FAIM: variants seen among roughly 807,000 people sequenced by gnomAD.
The protein encoded by FAIM is fas apoptotic inhibitory molecule 1.
In FAIM, 14 loss-of-function variants were observed where a neutral mutation model predicts 21.2. That is an observed-to-expected ratio of 0.66 (90% CI 0.44 to 1.03). The LOEUF (loss-of-function observed/expected upper bound fraction) is 1.03. Among genes scored for constraint, FAIM ranks in the 50% least tolerant of loss-of-function variants. FAIM has a pLI of 0.00. For missense variants in FAIM, 222 were observed against 247.1 expected (o/e 0.90, Z 0.68); for synonymous variants, 86 against 80.4 (o/e 1.07, Z -0.37).
At chr3:138,619,833 G>T in intron 2 of FAIM, 63 bp downstream of exon 2, 1 of 1,443,004 alleles carries the variant, frequency 6.9e-7, no homozygotes, top group South Asian at 1.2e-5. Context: ...TCATTCAAAA[G>T]AGTGATTTAT....
chr3:138,630,109 G>A (rs2042989473), intron 5 of FAIM: 1 of 152,200 alleles, frequency 6.6e-6, no homozygotes, highest in African/African-American at 2.4e-5. Flanking sequence ...GAACATCAGG[G>A]CTAGAGATAA....
Position 138,621,502 on chromosome 3 carries a change from C to G in FAIM, c.140C>G (p.Thr47Ser), listed in dbSNP as rs1199511550. The change falls in exon 3 of 6, where the codon ACT (threonine) becomes AGT (serine). Residue 47 changes from threonine (T) to serine (S), a missense_variant. Transcript: ENST00000360570. ...CACAAGATCGAATTTGAACATGGGA[C>G]TACATCAGGCAAACGAGTAGTATAT... ...GVHKIEFEHG[T>S]TSGKRVVYVD... 2.5e-6 allele frequency: 4 copies of G among 1,613,710 alleles called. No homozygotes were observed. Among genetic ancestry groups the G allele is most frequent in the East Asian group, 2.2e-5 (1 of 44,846 alleles).
At chr3:138,610,093 C>T (rs1355635688) in intron 1 of FAIM, among the ~76,000 whole-genome samples, 9 of 152,148 alleles carry the variant, frequency 5.9e-5, no homozygotes, top group Admixed American at 5.9e-4. Context: ...GCTGGCCCTA[C>T]CTGGGGGCCT....
In FAIM at chr3:138,632,149, G is replaced by A. The variant is rs189892975; in HGVS notation, c.457-781G>A. 2.8e-3 allele frequency among the ~76,000 whole-genome samples: 427 copies of A among 150,704 alleles called. 3 individuals are homozygous for A. The highest frequency in any genetic ancestry group is 5.7e-3 in the Admixed American group (86 of 15,048). On this transcript the variant is annotated intron_variant, in intron 5 of 5. Coordinates refer to ENST00000360570, the MANE Select transcript of FAIM (RefSeq NM_001033031.2). ...CTGCTACTCAATCAAAGCATAATATGAGGCACAGATAGGACCTTCATGTGT... is the reference window on the plus strand; with the variant it reads ...CTGCTACTCAATCAAAGCATAATATAAGGCACAGATAGGACCTTCATGTGT...
At chr3:138,614,205 C>T (rs642258) in intron 1 of FAIM, among the ~76,000 whole-genome samples, 91,687 of 152,042 alleles carry the variant, frequency 0.6, 28,340 homozygotes, top group East Asian at 0.98. Flanking sequence ...TTTGGGTGGC[C>T]GAGGTGGGAG....
At chr3:138,629,067 C>G (rs752303523) in intron 4 of FAIM, 40 bp from the exon 5 acceptor site, 4 of 1,458,478 alleles carry the variant, frequency 2.7e-6, no homozygotes, top group Non-Finnish European at 2.8e-6. Flanking sequence ...ATCTTTAAAT[C>G]ACAGAATTAT....
intron 5 of FAIM, among the ~76,000 whole-genome samples, chr3:138,631,743 T>C (rs1391043470): frequency 6.6e-6 from 1 of 152,184 alleles, no homozygotes; most frequent in Non-Finnish European, 1.5e-5. Context: ...GTATATAGAT[T>C]GTATTACCTA....
At chr3:138,623,181 T>G (rs2042905923) in intron 4 of FAIM, among the ~76,000 whole-genome samples, 1 of 152,222 alleles carries the variant, frequency 6.6e-6, no homozygotes, top group South Asian at 2.1e-4. Context: ...GGCTTAGGAC[T>G]GCATCAGATC....
intron 1 of FAIM, among the ~76,000 whole-genome samples, chr3:138,612,652 C>T (rs1261288886): frequency 2.0e-5 from 3 of 152,130 alleles, no homozygotes; most frequent in Non-Finnish European, 4.4e-5. Context: ...CAATAGTATA[C>T]AGGTGTCTGA....
At chr3:138,629,375 G>A (rs2042977894) in intron 5 of FAIM, 1 of 451,428 alleles carries the variant, frequency 2.2e-6, no homozygotes, top group Non-Finnish European at 3.9e-6. Flanking sequence ...GCTGGCACTA[G>A]CTTCATACTC....
rs574136000 is a variant in FAIM, at chr3:138,612,311, C to T, written c.-17+3374C>T. ...AGAGACGGGGTTTCACCGTGTTAGC[C>T]AGGATGGTCTCGAACTCCTGACCTC... On this transcript the variant is annotated intron_variant, in intron 1 of 5. Coordinates refer to ENST00000360570, the MANE Select transcript of FAIM (RefSeq NM_001033031.2). Among the ~76,000 whole-genome samples the T allele has an allele frequency of 5.3e-5, 8 of 152,196 alleles. No individual in the cohort carries two copies. The East Asian group carries it at 1.5e-3, about 29-fold the overall frequency.
intron 5 of FAIM, among the ~76,000 whole-genome samples, chr3:138,631,389 T>G (rs1483977536): frequency 6.6e-6 from 1 of 152,164 alleles, no homozygotes; most frequent in Non-Finnish European, 1.5e-5. Context: ...TACTCCAGCC[T>G]GGGTGGCAAG....
chr3:138,621,985 T>A (rs1185040344), intron 3 of FAIM, among the ~76,000 whole-genome samples: 9 of 152,132 alleles, frequency 5.9e-5, no homozygotes, highest in Non-Finnish European at 1.3e-4. Context: ...GGTTTCACTG[T>A]TGGCCAGGCT....
intron 1 of FAIM, among the ~76,000 whole-genome samples, chr3:138,609,577 G>C (rs1003175130): frequency 1.2e-3 from 4 of 3,302 alleles, no homozygotes; most frequent in Admixed American, 5.0e-3. Context: ...TCTCTCTCTC[G>C]ACTCTCTCTC....
chr3:138,619,632 A>T, intron 1 of FAIM, 79 bp from the exon 2 acceptor site: 1 of 1,261,624 alleles, frequency 7.9e-7, no homozygotes, highest in Admixed American at 2.0e-5. Context: ...AACCCTTTGT[A>T]GATGTCATCA....
intron 5 of FAIM, among the ~76,000 whole-genome samples, chr3:138,631,465 T>C (rs1391022349): frequency 6.6e-6 from 1 of 151,908 alleles, no homozygotes; most frequent in Admixed American, 6.6e-5. Flanking sequence ...GAAAATAATA[T>C]TCATCCACAT....
intron 1 of FAIM, among the ~76,000 whole-genome samples, chr3:138,616,843 TACTTG>T (rs2042830584): frequency 6.6e-6 from 1 of 152,184 alleles, no homozygotes; most frequent in Non-Finnish European, 1.5e-5. Flanking sequence ...ATTGATTTGT[TACTTG>T]GTTTAAGAAG....
intron 1 of FAIM, among the ~76,000 whole-genome samples, chr3:138,618,211 G>A (rs2042848853): frequency 6.6e-6 from 1 of 151,916 alleles, no homozygotes; most frequent in Admixed American, 6.6e-5. Flanking sequence ...TGGTTTCATA[G>A]GGGATAATCC....
chr3:138,611,642 G>A (rs2042770120), intron 1 of FAIM, among the ~76,000 whole-genome samples: 1 of 152,200 alleles, frequency 6.6e-6, no homozygotes, highest in Admixed American at 6.5e-5. Context: ...GAGGTGTTTG[G>A]GTCATGGGGG....
Sources: allele counts gnomAD v4.1 joint callset (sites outside exome capture counted in the v4.1 genomes callset), GRCh38; gene constraint gnomAD v4.1.1; transcripts MANE v1.5; gene names NCBI Gene and HGNC (gene_info 2026-07-23, HGNC 2026-07-21).